UBE2E2: variants seen among roughly 807,000 people sequenced by gnomAD.
UBE2E2 encodes the protein ubiquitin conjugating enzyme E2 E2, also known as ubiquitin-conjugating enzyme E2 E2.
UBE2E2 carries 6 observed loss-of-function variants against 24.7 expected under a neutral mutation model. The observed-to-expected ratio is 0.24, with a 90% CI of 0.13 to 0.48. The LOEUF is 0.48. Ranked by LOEUF, UBE2E2 falls within the 20% of genes least tolerant of loss-of-function variation. UBE2E2 has a pLI of 0.99. For synonymous variants in UBE2E2, 104 were observed against 83.6 expected (o/e 1.24, Z -1.33); for missense variants, 169 against 245.0 (o/e 0.69, Z 2.07).
At chr3:23,330,845 A>G (rs1158885257) in intron 3 of UBE2E2, among the ~76,000 whole-genome samples, 2 of 152,216 alleles carry the variant, frequency 1.3e-5, no homozygotes, top group East Asian at 1.9e-4. Context: ...TTCCTTAATA[A>G]AAGTATATAA....
intron 3 of UBE2E2, among the ~76,000 whole-genome samples, chr3:23,277,466 G>A (rs921579857): frequency 6.6e-6 from 1 of 152,082 alleles, no homozygotes; most frequent in Non-Finnish European, 1.5e-5. Context: ...AAACCTCATA[G>A]ACTATCTAAC....
chr3:23,478,710 C>G (rs1437923671), intron 3 of UBE2E2, among the ~76,000 whole-genome samples: 1 of 151,930 alleles, frequency 6.6e-6, no homozygotes, highest in African/African-American at 2.4e-5. Flanking sequence ...ATCCTTTTAC[C>G]TATTATGTGC....
intron 3 of UBE2E2, among the ~76,000 whole-genome samples, chr3:23,285,008 T>TC (rs1000637862): frequency 1.3e-5 from 2 of 151,058 alleles, no homozygotes; most frequent in African/African-American, 4.9e-5. Context: ...CCATCTCCAC[T>TC]CCCCCCACCC....
At chr3:23,481,732 G>A (rs943890499) in intron 3 of UBE2E2, among the ~76,000 whole-genome samples, 34 of 152,226 alleles carry the variant, frequency 2.2e-4, no homozygotes, top group African/African-American at 7.7e-4. Context: ...ACTGTAAGAT[G>A]GGGATGGGCA....
At chr3:23,307,430 C>T (rs1440861967) in intron 3 of UBE2E2, among the ~76,000 whole-genome samples, 1 of 152,060 alleles carries the variant, frequency 6.6e-6, no homozygotes. Flanking sequence ...TTGCTTTTAC[C>T]TCTACTCCCT....
intron 3 of UBE2E2, among the ~76,000 whole-genome samples, chr3:23,428,756 T>G (rs1368995993): frequency 6.6e-6 from 1 of 151,732 alleles, no homozygotes; most frequent in African/African-American, 2.4e-5. Context: ...GGAGGATTGT[T>G]TGAATCCAGA....
At chr3:23,341,511 G>C (rs570975500) in intron 3 of UBE2E2, among the ~76,000 whole-genome samples, 1 of 152,238 alleles carries the variant, frequency 6.6e-6, no homozygotes, top group South Asian at 2.1e-4. Context: ...GAATCTTCAA[G>C]ACCACAAGCT....
intron 3 of UBE2E2, among the ~76,000 whole-genome samples, chr3:23,405,370 G>A (rs1175094378): frequency 1.3e-5 from 2 of 152,174 alleles, no homozygotes; most frequent in African/African-American, 4.8e-5. Context: ...ATTTAGTCTT[G>A]AAGTCCCAGA....
chr3:23,376,620 A>C (rs1028431348), intron 3 of UBE2E2, among the ~76,000 whole-genome samples: 1 of 152,220 alleles, frequency 6.6e-6, no homozygotes, highest in Non-Finnish European at 1.5e-5. Context: ...GGCTTGACCA[A>C]TACAGTGGAG....
intron 3 of UBE2E2, among the ~76,000 whole-genome samples, chr3:23,460,335 C>T (rs543228527): frequency 2.1e-4 from 32 of 152,320 alleles, no homozygotes; most frequent in African/African-American, 6.7e-4. Context: ...CGCTTTTTGC[C>T]TACCATACAG....
intron 5 of UBE2E2, among the ~76,000 whole-genome samples, chr3:23,545,408 G>A (rs1695498964): frequency 6.6e-6 from 1 of 152,182 alleles, no homozygotes; most frequent in Non-Finnish European, 1.5e-5. Context: ...CTGCCTTCAA[G>A]CATCTGTTTA....
chr3:23,404,957 G>A (rs546180438), intron 3 of UBE2E2, among the ~76,000 whole-genome samples: 7 of 152,302 alleles, frequency 4.6e-5, no homozygotes, highest in African/African-American at 9.6e-5. Context: ...CAGCCACTTC[G>A]TTAGCATTCT....
chr3:23,480,614 C>G (rs566249872), intron 3 of UBE2E2, among the ~76,000 whole-genome samples: 1 of 137,338 alleles, frequency 7.3e-6, no homozygotes, highest in Non-Finnish European at 1.5e-5. Flanking sequence ...ATGAACAGAG[C>G]AAGACCTTGT....
At chr3:23,334,313 T>C (rs1343187942) in intron 3 of UBE2E2, among the ~76,000 whole-genome samples, 3 of 152,148 alleles carry the variant, frequency 2.0e-5, no homozygotes, top group Non-Finnish European at 4.4e-5. Context: ...TATTTTTTTT[T>C]TGAGATTATG....
chr3:23,426,338 AC>A (rs1161648876), intron 3 of UBE2E2, among the ~76,000 whole-genome samples: 1 of 152,036 alleles, frequency 6.6e-6, no homozygotes, highest in East Asian at 1.9e-4. Flanking sequence ...TGAAGCAGGA[AC>A]AACAGAAATT....
intron 5 of UBE2E2, among the ~76,000 whole-genome samples, chr3:23,549,493 A>C (rs1290243254): frequency 6.6e-6 from 1 of 152,188 alleles, no homozygotes. Flanking sequence ...CTGTCAAGAA[A>C]GCCAGAGCCT....
chr3:23,468,321 T>C, intron 3 of UBE2E2, among the ~76,000 whole-genome samples: 1 of 152,224 alleles, frequency 6.6e-6, no homozygotes, highest in East Asian at 1.9e-4. Context: ...TCAAATCTTA[T>C]TTCTCCAATA....
chr3:23,235,977 T>A (rs1024493411), intron 3 of UBE2E2, among the ~76,000 whole-genome samples: 3 of 152,138 alleles, frequency 2.0e-5, no homozygotes, highest in African/African-American at 7.2e-5. Context: ...AAGAAATATT[T>A]AAATCTGTAG....
chr3:23,407,343 C>G lies in UBE2E2; in HGVS notation c.228-92265C>G, dbSNP rs527529960. On this transcript the variant is annotated intron_variant, in intron 3 of 5. Coordinates refer to ENST00000396703, the MANE Select transcript of UBE2E2 (RefSeq NM_152653.4). The surrounding 1 kb of genome is among the most constrained non-coding windows in gnomAD (Gnocchi z 4.0). ...CTAGCTGCTACACAGCTGCTTAGTT[C>G]TGGTTCTGTGACCTTAGCTAAGATC... Among the ~76,000 whole-genome samples, 1 of 152,238 alleles carries G rather than the reference C, an allele frequency of 6.6e-6. No individual in the cohort carries two copies. The highest frequency in any genetic ancestry group is 1.5e-5 in the Non-Finnish European group (1 of 68,006).
Sources: gnomAD v4.1 joint callset for allele counts (sites outside exome capture counted in the v4.1 genomes callset) on GRCh38, gnomAD v4.1.1 for gene constraint, Gnocchi (gnomAD v3.1) non-coding constraint, MANE v1.5 for transcripts, NCBI Gene and HGNC (gene_info 2026-07-23, HGNC 2026-07-21) for gene names.